The following TMEM131L variants were observed in gnomAD, a reference collection of about 807,000 sequenced individuals.
TMEM131L encodes the protein transmembrane protein 131-like.
TMEM131L carries 54 observed loss-of-function variants against 192.2 expected under a neutral mutation model. That is an observed-to-expected ratio of 0.28 (90% CI 0.23 to 0.35). TMEM131L has a LOEUF of 0.35. TMEM131L is among the 10% of genes least tolerant of loss of function. The probability of loss-of-function intolerance (pLI) is 1.00; values close to 1 mark genes in which losing one functional copy is unlikely to be tolerated. For synonymous variants in TMEM131L, 701 were observed against 704.9 expected (o/e 0.99, Z 0.09); for missense variants, 1,888 against 1,972.9 (o/e 0.96, Z 0.82).
chr4:153,616,888 A>G (rs947737709), intron 26 of TMEM131L, among the ~76,000 whole-genome samples: 10 of 152,342 alleles, frequency 6.6e-5, no homozygotes, highest in African/African-American at 2.2e-4. Flanking sequence ...GCAGTTGGAC[A>G]TTAAGATTGT....
At chr4:153,504,201 C>CTT (rs1010282999) in intron 3 of TMEM131L, among the ~76,000 whole-genome samples, 5 of 148,586 alleles carry the variant, frequency 3.4e-5, no homozygotes, top group African/African-American at 1.2e-4. Context: ...ATCTCCTGAC[C>CTT]TTGTGATCCA....
chr4:153,599,644 A>C (rs543345717), intron 21 of TMEM131L, among the ~76,000 whole-genome samples: 1 of 152,262 alleles, frequency 6.6e-6, no homozygotes, highest in Admixed American at 6.5e-5. Context: ...ACAGAAAATC[A>C]CTGAAATGAT....
At chr4:153,488,457 C>G (rs776194274) in intron 3 of TMEM131L, among the ~76,000 whole-genome samples, 3 of 152,012 alleles carry the variant, frequency 2.0e-5, no homozygotes, top group African/African-American at 7.2e-5. Flanking sequence ...AGGAGGCAGC[C>G]GGGAACTTGG....
intron 3 of TMEM131L, among the ~76,000 whole-genome samples, chr4:153,521,862 G>GTT (rs34480228): frequency 5.1e-5 from 7 of 137,138 alleles, no homozygotes; most frequent in East Asian, 4.2e-4. Context: ...TGTTTTCTGT[G>GTT]TTTTTTTTTT....
In TMEM131L at chr4:153,612,232, A is replaced by G. The variant is rs1732671155; in HGVS notation, c.3419-20A>G. On this transcript the variant is annotated intron_variant, in intron 25 of 34. Transcript: ENST00000409959. Reference sequence around the variant, plus strand: ...GTGGAAACTATTAGCTAGAAATTGAATTGTTTTTGTTTATTAAAGGGAATA... The same window carrying G: ...GTGGAAACTATTAGCTAGAAATTGAGTTGTTTTTGTTTATTAAAGGGAATA... The G allele has an allele frequency of 2.0e-6, 3 of 1,500,204 alleles. No individual in the cohort carries two copies. The highest frequency in any genetic ancestry group is 1.8e-6 in the Non-Finnish European group (2 of 1,126,750). 92.9% of individuals were successfully genotyped at this position (1,500,204 alleles called of 1,614,324 possible).
chr4:153,595,240 T>C (rs1400585495), intron 19 of TMEM131L, among the ~76,000 whole-genome samples: 1 of 152,302 alleles, frequency 6.6e-6, no homozygotes, highest in East Asian at 1.9e-4. Context: ...CTGATTTGCT[T>C]TTAGAAATAT....
At chr4:153,489,412 C>A (rs573652820) in intron 3 of TMEM131L, among the ~76,000 whole-genome samples, 1 of 152,256 alleles carries the variant, frequency 6.6e-6, no homozygotes, top group East Asian at 1.9e-4. Context: ...TGAATTATTT[C>A]TTTGTGTATC....
At chr4:153,635,394 A>G (rs572561732) in intron 33 of TMEM131L, 38 bp from the exon 34 acceptor site, 2 of 1,602,996 alleles carry the variant, frequency 1.2e-6, no homozygotes, top group East Asian at 4.5e-5. Flanking sequence ...TCTCAATGAA[A>G]ATGTTTACCT....
At chr4:153,501,943 G>GTTTTTTT (rs575832226) in intron 3 of TMEM131L, among the ~76,000 whole-genome samples, 1 of 117,396 alleles carries the variant, frequency 8.5e-6, no homozygotes, top group African/African-American at 3.6e-5. Context: ...CCCCCAAAGG[G>GTTTTTTT]TTTTTTTTTT....
At chr4:153,553,270 CTT>C (rs927112152) in intron 4 of TMEM131L, among the ~76,000 whole-genome samples, 3 of 152,058 alleles carry the variant, frequency 2.0e-5, no homozygotes, top group Admixed American at 6.6e-5. Context: ...TCAAATATCT[CTT>C]TGTTTGAGCA....
chr4:153,565,234 G>A (rs895800484), intron 7 of TMEM131L, among the ~76,000 whole-genome samples: 23 of 152,252 alleles, frequency 1.5e-4, no homozygotes, highest in African/African-American at 4.1e-4. Flanking sequence ...TATCAATTTC[G>A]TGTTTAGTGC....
Position 153,550,058 on chromosome 4 carries a change from CTT to C in TMEM131L, c.240-12_240-11del. The C allele has an allele frequency of 2.9e-6, 4 of 1,389,942 alleles. No individual in the cohort carries two copies. Among genetic ancestry groups the C allele is most frequent in the Non-Finnish European group, 3.9e-6 (4 of 1,032,270 alleles). 86.1% of individuals were successfully genotyped at this position (1,389,942 alleles called of 1,614,324 possible). A position where few individuals can be genotyped will look rare whatever the true frequency, so the allele number is the denominator to read the frequency against. On this transcript the variant is annotated splice_polypyrimidine_tract_variant and intron_variant, in intron 3 of 34. Transcript: ENST00000409959. ...TAAAACTACAACAAAATCAACCTCT[CTT>C]TTCTTTTTTTAGCTTCTCGGACAAA...
At chr4:153,559,291 A>G (rs905654602) in intron 7 of TMEM131L, among the ~76,000 whole-genome samples, 6 of 152,200 alleles carry the variant, frequency 3.9e-5, no homozygotes, top group African/African-American at 1.4e-4. Context: ...TTTTATTTTT[A>G]TAAAATGGAA....
At chr4:153,503,728 T>C (rs758517527) in intron 3 of TMEM131L, among the ~76,000 whole-genome samples, 2 of 152,318 alleles carry the variant, frequency 1.3e-5, no homozygotes, top group Admixed American at 1.3e-4. Context: ...ATGAGGCTAA[T>C]GTCTGTCTTG....
intron 25 of TMEM131L, 107 bp downstream of exon 25, chr4:153,604,537 T>A: frequency 8.9e-7 from 1 of 1,125,280 alleles, no homozygotes; most frequent in South Asian, 1.6e-5. Context: ...GATGCTGAGT[T>A]TTAGCAAAGG....
chr4:153,603,267 C>T (rs745698664), intron 23 of TMEM131L, 36 bp from the exon 24 acceptor site: 1 of 1,585,910 alleles, frequency 6.3e-7, no homozygotes, highest in Non-Finnish European at 8.6e-7. Context: ...CCAGTCAGAA[C>T]CATGCAATAC....
Position 153,591,068 on chromosome 4 carries a change from A to G in TMEM131L, c.1686A>G (p.Gly562=), listed in dbSNP as rs1731031948. 1 of 1,588,880 alleles carries G rather than the reference A, an allele frequency of 6.3e-7. No individual in the cohort carries two copies. The highest frequency in any genetic ancestry group is 1.4e-5 in the African/African-American group (1 of 74,020). ...NGDVCKRNVL[G]TTRFAHLKKS... ...AATTAAACAGGAGGAATGTTTTGGG[A>G]ACAACTCGATTTGCTCACTTGAAGA... Residue 562 remains glycine (G), a synonymous_variant, in exon 17 of 35, where the codon GGA becomes GGG. Coordinates refer to ENST00000409959, the MANE Select transcript of TMEM131L (RefSeq NM_001131007.2).
chr4:153,595,926 G>T (rs2150887808), intron 19 of TMEM131L, among the ~76,000 whole-genome samples: 1 of 152,320 alleles, frequency 6.6e-6, no homozygotes, highest in African/African-American at 2.4e-5. Context: ...AGCAGAGGCT[G>T]TTGGGTCTGT....
chr4:153,551,915 T>C (rs1737653182), intron 4 of TMEM131L, among the ~76,000 whole-genome samples: 1 of 151,948 alleles, frequency 6.6e-6, no homozygotes, highest in South Asian at 2.1e-4. Flanking sequence ...TTGTGAAAAA[T>C]CTTTATTGTG....
Sources: gnomAD v4.1 joint callset for allele counts (sites outside exome capture counted in the v4.1 genomes callset) on GRCh38, gnomAD v4.1.1 for gene constraint, MANE v1.5 for transcripts, NCBI Gene and HGNC (gene_info 2026-07-23, HGNC 2026-07-21) for gene names.